RHBDL2: variants seen among roughly 807,000 people sequenced by gnomAD.
RHBDL2 encodes the protein rhomboid-related protein 2.
RHBDL2 carries 26 observed loss-of-function variants against 31.7 expected under a neutral mutation model. The observed-to-expected ratio is 0.82, with a 90% CI of 0.60 to 1.14. The LOEUF is 1.14. Ranked by LOEUF, RHBDL2 falls within the 50% of genes most tolerant of loss-of-function variation. RHBDL2 has a pLI of 0.00. For missense variants in RHBDL2, 336 were observed against 364.4 expected (o/e 0.92, Z 0.63); for synonymous variants, 123 against 127.2 (o/e 0.97, Z 0.22).
intron 4 of RHBDL2, among the ~76,000 whole-genome samples, chr1:38,896,575 A>C (rs1406934678): frequency 6.6e-6 from 1 of 152,216 alleles, no homozygotes; most frequent in Non-Finnish European, 1.5e-5. Flanking sequence ...TCAACCTAAT[A>C]TTATTGCAAA....
intron 3 of RHBDL2, among the ~76,000 whole-genome samples, chr1:38,912,898 ATATATATATATATGTGTGTGTGTGTGTG>A (rs765539938): frequency 2.4e-5 from 2 of 84,254 alleles, no homozygotes; most frequent in African/African-American, 5.4e-5. Flanking sequence ...ATATATATAT[ATATATATATATATGTGTGTGTGTGTGTG>A]TGTGTGTGTG....
In RHBDL2 at chr1:38,911,403, G is replaced by T. The variant is rs961901351; in HGVS notation, c.427C>A (p.Gln143Lys). Residue 143 changes from glutamine (Q) to lysine (K), a missense_variant, in exon 4 of 8, where the codon CAG (glutamine) becomes AAG (lysine). Coordinates refer to ENST00000372990, the MANE Select transcript of RHBDL2 (RefSeq NM_017821.5). The stretch of plus-strand genomic sequence containing the variant: ...TCCAAGGGAATACCCAAAACAAGCT[G>T]CATACAAAGATTCCCCAAGATGTGC... ...VQHILGNLCM[Q>K]LVLGIPLEMV... 4 of 1,613,764 alleles carry T rather than the reference G, an allele frequency of 2.5e-6. No individual in the cohort carries two copies. The highest frequency in any genetic ancestry group is 3.4e-6 in the Non-Finnish European group (4 of 1,179,926).
At chr1:38,915,952 C>A (rs1432301224) in intron 2 of RHBDL2, among the ~76,000 whole-genome samples, 1 of 152,204 alleles carries the variant, frequency 6.6e-6, no homozygotes, top group African/African-American at 2.4e-5. Context: ...TTTCTGAACC[C>A]CTTTTGCCCT....
chr1:38,916,204 A>T (rs1309484029), intron 2 of RHBDL2, among the ~76,000 whole-genome samples: 1 of 152,176 alleles, frequency 6.6e-6, no homozygotes, highest in Non-Finnish European at 1.5e-5. Context: ...ATGCCACATG[A>T]TGTCCTCAAC....
At chr1:38,894,000 A>G (rs960995231) in intron 5 of RHBDL2, among the ~76,000 whole-genome samples, 3 of 152,272 alleles carry the variant, frequency 2.0e-5, no homozygotes, top group African/African-American at 7.2e-5. Context: ...TTGTCCCTTC[A>G]CTTTCAAATT....
At chr1:38,921,480 T>C (rs569442764) in intron 1 of RHBDL2, among the ~76,000 whole-genome samples, 13 of 152,276 alleles carry the variant, frequency 8.5e-5, no homozygotes, top group African/African-American at 3.1e-4. Flanking sequence ...GATGGATGGA[T>C]GGATAGATGG....
In RHBDL2 at chr1:38,919,621, T is replaced by TA. The variant is rs1445206250; in HGVS notation, c.-125-285dup. ...AATATATATTTTTTCTTTTTTTTTTTATGAGGTGGAGTCATCTTGCTCTTC... is the reference window on the plus strand; with the variant it reads ...AATATATATTTTTTCTTTTTTTTTTTAATGAGGTGGAGTCATCTTGCTCTTC... On this transcript the variant is annotated intron_variant, in intron 1 of 7. Coordinates refer to ENST00000372990, the MANE Select transcript of RHBDL2 (RefSeq NM_017821.5). Among the ~76,000 whole-genome samples the TA allele has an allele frequency of 6.6e-5, 10 of 151,804 alleles. 1 individual carries two copies. The South Asian group carries it at 1.9e-3, about 28-fold the overall frequency.
intron 4 of RHBDL2, 125 bp downstream of exon 4, chr1:38,911,197 C>T: frequency 1.6e-6 from 1 of 620,238 alleles, no homozygotes; most frequent in Non-Finnish European, 2.9e-6. Flanking sequence ...TTAATGTGTT[C>T]CCGAGCACAT....
chr1:38,926,124 A>G (rs971553958), intron 1 of RHBDL2: 4 of 1,174,020 alleles, frequency 3.4e-6, no homozygotes, highest in South Asian at 1.7e-5. Context: ...TCACTTTTGC[A>G]TGTCCCTAGG....
chr1:38,924,029 G>A (rs992602632), intron 1 of RHBDL2, among the ~76,000 whole-genome samples: 3 of 152,060 alleles, frequency 2.0e-5, no homozygotes, highest in African/African-American at 7.3e-5. Flanking sequence ...TAAGGATTGG[G>A]GAGGGAGAGA....
intron 1 of RHBDL2, among the ~76,000 whole-genome samples, chr1:38,939,569 C>A (rs1441555127): frequency 6.6e-6 from 1 of 152,096 alleles, no homozygotes; most frequent in African/African-American, 2.4e-5. Flanking sequence ...CCCAGCTATT[C>A]AGGAGGCTGA....
In RHBDL2 at chr1:38,937,281, G is replaced by A. The variant is rs892790766; in HGVS notation, c.-126+4401C>T. On this transcript the variant is annotated intron_variant, in intron 1 of 7. Coordinates refer to ENST00000372990, the MANE Select transcript of RHBDL2 (RefSeq NM_017821.5). ...TATTCTTAAATAAAACAAATACTAC[G>A]AGTCTGTAGTAGAGGCACAGCACCC... Among the ~76,000 whole-genome samples, 7 of 152,184 alleles carry A rather than the reference G, an allele frequency of 4.6e-5. No individual in the cohort carries two copies. In the South Asian group the frequency reaches 8.3e-4, roughly 18 times the overall value.
rs146456884 is a variant in RHBDL2 at position 38,912,963 on chromosome 1, C to CGTGTGTGTGT, written c.396-1539_396-1530dup. Among the ~76,000 whole-genome samples the CGTGTGTGTGT allele has an allele frequency of 9.1e-3, 1,020 of 112,264 alleles. 46 individuals carry two copies. Among genetic ancestry groups the CGTGTGTGTGT allele is most frequent in the African/African-American group, 0.034 (881 of 25,840 alleles). The allele number at this position is 112,264 out of a possible 152,430, so 73.6% of individuals were successfully genotyped here. On this transcript the variant is annotated intron_variant, in intron 3 of 7. Transcript: ENST00000372990. ...GTGTGTGTGTGTATTTACATATACA[C>CGTGTGTGTGT]GTGTGTGTGTGTGTGTGTGTATTTT...
chr1:38,912,460 A>G (rs1163871009), intron 3 of RHBDL2, among the ~76,000 whole-genome samples: 1 of 150,794 alleles, frequency 6.6e-6, no homozygotes, highest in African/African-American at 2.4e-5. Context: ...GCTAGAGTGC[A>G]GTGTCTCGAT....
intron 4 of RHBDL2, among the ~76,000 whole-genome samples, chr1:38,896,878 A>G (rs1642924922): frequency 6.6e-6 from 1 of 152,204 alleles, no homozygotes. Context: ...TGTATGATAC[A>G]AAACAATACA....
In RHBDL2 at chr1:38,919,281, C is replaced by A; in HGVS notation, c.-69G>T. 2 of 1,611,882 alleles carry A rather than the reference C, an allele frequency of 1.2e-6. No homozygotes were observed. The highest frequency in any genetic ancestry group is 2.2e-5 in the East Asian group (1 of 44,878). On this transcript the variant is annotated 5_prime_UTR_variant, in exon 2 of 8. Coordinates refer to ENST00000372990, the MANE Select transcript of RHBDL2 (RefSeq NM_017821.5). The stretch of plus-strand genomic sequence containing the variant: ...GGAACAGCAGGTGGCCCTAGGTCCT[C>A]AGGCTGCCGCTCTTCCCTGGGCTGT...
chr1:38,901,379 T>C (rs191176495), intron 4 of RHBDL2, among the ~76,000 whole-genome samples: 6 of 150,068 alleles, frequency 4.0e-5, no homozygotes, highest in African/African-American at 1.5e-4. Flanking sequence ...GGAGAATTGC[T>C]TGAACCCAGG....
intron 1 of RHBDL2, among the ~76,000 whole-genome samples, chr1:38,940,530 T>C (rs1319339855): frequency 6.6e-6 from 1 of 152,158 alleles, no homozygotes; most frequent in Non-Finnish European, 1.5e-5. Context: ...CACCCGTCAC[T>C]GGCCAGTTCT....
intron 3 of RHBDL2, 124 bp downstream of exon 3, chr1:38,915,434 CCCCT>C: frequency 1.1e-6 from 1 of 888,962 alleles, no homozygotes; most frequent in South Asian, 1.7e-5. Flanking sequence ...GCAATACCTA[CCCCT>C]TAGGGTTGCT....
Sources: gnomAD v4.1 joint callset for allele counts (sites outside exome capture counted in the v4.1 genomes callset) on GRCh38, gnomAD v4.1.1 for gene constraint, MANE v1.5 for transcripts, NCBI Gene and HGNC (gene_info 2026-07-23, HGNC 2026-07-21) for gene names.